Variants in CRACD observed in about 807,000 individuals in gnomAD.
CRACD encodes capping protein-inhibiting regulator of actin dynamics.
CRACD carries 56 observed loss-of-function variants against 106.8 expected under a neutral mutation model. The ratio of observed to expected loss-of-function variants is 0.52; its 90% CI spans 0.42 to 0.66. CRACD has a LOEUF of 0.66. CRACD is among the 30% of genes least tolerant of loss of function. The pLI is 0.00. For missense variants in CRACD, 1,730 were observed against 1,623.2 expected (o/e 1.07, Z -1.13); for synonymous variants, 754 against 670.8 (o/e 1.12, Z -1.92).
intron 1 of CRACD, among the ~76,000 whole-genome samples, chr4:56,163,559 G>A (rs747315076): frequency 3.9e-5 from 6 of 151,970 alleles, no homozygotes; most frequent in Non-Finnish European, 7.4e-5. Context: ...TTTTTATGAA[G>A]CACTTTAAAA....
At chr4:56,121,505 G>T (rs957832313) in intron 1 of CRACD, among the ~76,000 whole-genome samples, 3 of 152,140 alleles carry the variant, frequency 2.0e-5, no homozygotes, top group African/African-American at 7.2e-5. Flanking sequence ...TTAGCCGGGA[G>T]TGATGGTGTG....
intron 2 of CRACD, among the ~76,000 whole-genome samples, chr4:56,266,648 C>T (rs1742038424): frequency 6.6e-6 from 1 of 152,208 alleles, no homozygotes; most frequent in South Asian, 2.1e-4. Context: ...ATCTTTTAGG[C>T]CCCATCTGTG....
chr4:56,255,239 AT>A (rs11289073), intron 2 of CRACD, among the ~76,000 whole-genome samples: 40,207 of 151,860 alleles, frequency 0.26, 5,994 homozygotes, highest in Middle Eastern at 0.45. Flanking sequence ...AATTTTTCTC[AT>A]GATTTCTAGC....
intron 2 of CRACD, among the ~76,000 whole-genome samples, chr4:56,184,851 TA>T (rs1353474800): frequency 6.6e-6 from 1 of 152,256 alleles, no homozygotes; most frequent in East Asian, 1.9e-4. Context: ...CAATGAGAAA[TA>T]ATTAGTCCTT....
At position 56,314,465 on chromosome 4, in the gene CRACD, G is replaced by T. The variant is rs1335744111; in HGVS notation, c.963G>T (p.Arg321Ser). ...GCCTGGAGGCGGAGGAGGAGCGAAG[G>T]CGTCTGCAGGCCCAGGCCCAAGCGG... ...RERLEAEEER[R>S]RLQAQAQAEE... Residue 321 changes from arginine to serine, a missense_variant, in exon 8 of 11, where the codon AGG becomes AGT. By Grantham distance (110) the Arg-to-Ser change is moderately radical. Coordinates refer to ENST00000682029, the MANE Select transcript of CRACD (RefSeq NM_001393381.1). The surrounding 1 kb of genome is among the most constrained non-coding windows in gnomAD (Gnocchi z 4.4). The T allele has an allele frequency of 6.5e-7, 1 of 1,535,140 alleles. No individual in the cohort carries two copies.
chr4:56,284,135 AC>A (rs1284088813), intron 3 of CRACD, among the ~76,000 whole-genome samples: 1 of 151,890 alleles, frequency 6.6e-6, no homozygotes, highest in East Asian at 1.9e-4. Context: ...AACTCACCCT[AC>A]AGTAGTAATC....
At chr4:56,165,624 A>T (rs1481263813) in intron 1 of CRACD, among the ~76,000 whole-genome samples, 2 of 152,196 alleles carry the variant, frequency 1.3e-5, no homozygotes, top group African/African-American at 4.8e-5. Flanking sequence ...TCAGTACTTC[A>T]TGCATTAGGG....
At chr4:56,090,804 A>G (rs530696725) in intron 1 of CRACD, among the ~76,000 whole-genome samples, 108 of 152,280 alleles carry the variant, frequency 7.1e-4, no homozygotes, top group African/African-American at 2.5e-3. Flanking sequence ...AGTTCCAACC[A>G]TAAGTCCTGA....
At chr4:56,113,458 G>A (rs1734184453) in intron 1 of CRACD, among the ~76,000 whole-genome samples, 1 of 152,148 alleles carries the variant, frequency 6.6e-6, no homozygotes, top group African/African-American at 2.4e-5. Flanking sequence ...TCTTTTCTAT[G>A]GGACATTTTT....
At chr4:56,204,171 C>T (rs1057050992) in intron 2 of CRACD, among the ~76,000 whole-genome samples, 1 of 152,178 alleles carries the variant, frequency 6.6e-6, no homozygotes, top group Non-Finnish European at 1.5e-5. Flanking sequence ...CACACAATCG[C>T]CTTGAGCAAG....
intron 2 of CRACD, among the ~76,000 whole-genome samples, chr4:56,223,061 G>T (rs1577759705): frequency 1.3e-5 from 2 of 150,884 alleles, no homozygotes; most frequent in South Asian, 4.2e-4. Context: ...AAAAGCAGCA[G>T]ATCTTCACCT....
At chr4:56,072,930 T>G (rs1024987330) in intron 1 of CRACD, among the ~76,000 whole-genome samples, 17 of 152,220 alleles carry the variant, frequency 1.1e-4, no homozygotes, top group African/African-American at 4.1e-4. Context: ...GCAAAGGACA[T>G]GAACGCATTC....
chr4:56,103,584 A>C (rs930929994), intron 1 of CRACD, among the ~76,000 whole-genome samples: 36 of 152,220 alleles, frequency 2.4e-4, no homozygotes, highest in African/African-American at 8.7e-4. Flanking sequence ...CAAGACAAAC[A>C]TGCATTCTAT....
At chr4:56,253,528 TTC>T in intron 2 of CRACD, among the ~76,000 whole-genome samples, 1 of 152,170 alleles carries the variant, frequency 6.6e-6, no homozygotes, top group Non-Finnish European at 1.5e-5. Context: ...TCATAGTCTC[TTC>T]AAGTAAAAAG....
At chr4:56,082,552 T>G (rs2412719) in intron 1 of CRACD, among the ~76,000 whole-genome samples, 60,338 of 151,858 alleles carry the variant, frequency 0.4, 13,598 homozygotes, top group African/African-American at 0.62. Context: ...GATAGATTTG[T>G]GTATGTTTTG....
intron 4 of CRACD, chr4:56,301,122 AG>A (rs1395529217): frequency 3.1e-6 from 2 of 652,332 alleles, no homozygotes; most frequent in Admixed American, 3.0e-5. Flanking sequence ...TCATTCTTTG[AG>A]GAGGGAAATG....
intron 1 of CRACD, among the ~76,000 whole-genome samples, chr4:56,129,380 T>TA (rs1303911891): frequency 1.3e-5 from 2 of 152,248 alleles, no homozygotes; most frequent in Non-Finnish European, 2.9e-5. Context: ...TTTTTTCTTG[T>TA]AATTTTCATC....
At chr4:56,166,986 G>A (rs1736178772) in intron 1 of CRACD, among the ~76,000 whole-genome samples, 1 of 152,120 alleles carries the variant, frequency 6.6e-6, no homozygotes, top group Non-Finnish European at 1.5e-5. Flanking sequence ...GGCACCTGAG[G>A]TGATTCTGGT....
At chr4:56,275,370 A>G (rs1742619016) in intron 3 of CRACD, among the ~76,000 whole-genome samples, 2 of 152,168 alleles carry the variant, frequency 1.3e-5, no homozygotes, top group East Asian at 1.9e-4. Context: ...CGGGAAGATC[A>G]TTTGAGCCAG....
Sources: allele counts gnomAD v4.1 joint callset (sites outside exome capture counted in the v4.1 genomes callset), GRCh38; gene constraint gnomAD v4.1.1; non-coding constraint Gnocchi (gnomAD v3.1); transcripts MANE v1.5; gene names NCBI Gene and HGNC (gene_info 2026-07-23, HGNC 2026-07-21).